LHFPL6: variants seen among roughly 807,000 people sequenced by gnomAD.
The protein encoded by LHFPL6 is LHFPL tetraspan subfamily member 6.
LHFPL6 carries 9 observed loss-of-function variants against 20.6 expected under a neutral mutation model. The ratio of observed to expected loss-of-function variants is 0.44; its 90% CI spans 0.26 to 0.76. LHFPL6 has a LOEUF of 0.76. Among genes scored for constraint, LHFPL6 ranks in the 30% least tolerant of loss-of-function variants. The pLI, the probability that LHFPL6 is intolerant of heterozygous loss-of-function variation, is 0.20. For synonymous variants in LHFPL6, 105 were observed against 98.7 expected, an observed-to-expected ratio of 1.06 and a Z score of -0.38; for missense variants, 218 against 253.5, an observed-to-expected ratio of 0.86 and a Z score of 0.95.
At chr13:39,509,441 A>C (rs1309036025) in intron 2 of LHFPL6, among the ~76,000 whole-genome samples, 2 of 152,070 alleles carry the variant, frequency 1.3e-5, no homozygotes, top group African/African-American at 4.8e-5. Flanking sequence ...GGAACATACT[A>C]CGGTTCAGAT....
rs763130912 is a variant in LHFPL6 at position 39,601,176 on chromosome 13, A to G, written c.41T>C (p.Leu14Ser). Residue 14 changes from leucine to serine, a missense_variant, in exon 2 of 4, where the codon TTG becomes TCG. Transcript: ENST00000379589. ...SLTCTGVIWA[L>S]LSFLCAATSC... ...GGTGGCAGCACAAAGAAAAGACAGC[A>G]AAGCCCAGATTACTCCAGTACAAGT... 1.2e-6 allele frequency: 2 copies of G among 1,613,986 alleles called. No individual in the cohort carries two copies. Among genetic ancestry groups the G allele is most frequent in the Non-Finnish European group, 1.7e-6 (2 of 1,179,992 alleles).
chr13:39,601,795 T>C (rs1415829122), intron 1 of LHFPL6, among the ~76,000 whole-genome samples: 3 of 152,222 alleles, frequency 2.0e-5, no homozygotes, highest in Non-Finnish European at 4.4e-5. Context: ...GCTCATAGTT[T>C]GTTGCAACTT....
chr13:39,483,266 C>T (rs1251665299), intron 2 of LHFPL6, among the ~76,000 whole-genome samples: 5 of 152,104 alleles, frequency 3.3e-5, no homozygotes, highest in East Asian at 3.9e-4. Flanking sequence ...CCTGTTCCAG[C>T]TTTCTAGCTG....
At chr13:39,497,974 CTCT>C (rs1460923935) in intron 2 of LHFPL6, among the ~76,000 whole-genome samples, 1 of 152,182 alleles carries the variant, frequency 6.6e-6, no homozygotes, top group Non-Finnish European at 1.5e-5. Context: ...TAAAGCTTTG[CTCT>C]TCTTAGCTAC....
At chr13:39,562,437 TACATATATAC>T (rs1566142021) in intron 2 of LHFPL6, among the ~76,000 whole-genome samples, 11 of 143,566 alleles carry the variant, frequency 7.7e-5, no homozygotes, top group Admixed American at 2.9e-4. Flanking sequence ...TATACATATA[TACATATATAC>T]ACATATATAC....
intron 2 of LHFPL6, among the ~76,000 whole-genome samples, chr13:39,517,168 A>G (rs571206576): frequency 6.6e-6 from 1 of 152,366 alleles, no homozygotes; most frequent in African/African-American, 2.4e-5. Flanking sequence ...GGGGGTAATG[A>G]GAACTTCTGA....
At chr13:39,402,822 T>C (rs1346209148) in intron 2 of LHFPL6, among the ~76,000 whole-genome samples, 1 of 152,232 alleles carries the variant, frequency 6.6e-6, no homozygotes, top group Non-Finnish European at 1.5e-5. Flanking sequence ...AGCAGCTTAA[T>C]CTATGTAATC....
chr13:39,591,336 A>T (rs1872585384), intron 2 of LHFPL6, among the ~76,000 whole-genome samples: 2 of 152,320 alleles, frequency 1.3e-5, no homozygotes, highest in South Asian at 2.1e-4. Flanking sequence ...GGAGTCATAC[A>T]TCAAAATATG....
intron 2 of LHFPL6, among the ~76,000 whole-genome samples, chr13:39,522,760 C>T (rs1885761): frequency 0.77 from 117,685 of 151,940 alleles, 45,667 homozygotes; most frequent in Middle Eastern, 0.82. Context: ...CAGGCAACCA[C>T]AAGAAGAAAC....
chr13:39,474,693 T>A (rs916872270), intron 2 of LHFPL6, among the ~76,000 whole-genome samples: 7 of 152,150 alleles, frequency 4.6e-5, no homozygotes, highest in Admixed American at 1.3e-4. Context: ...CTTTTTTTTT[T>A]AATAAGGCCT....
At chr13:39,470,968 C>A (rs1872928413) in intron 2 of LHFPL6, among the ~76,000 whole-genome samples, 2 of 152,176 alleles carry the variant, frequency 1.3e-5, no homozygotes, top group Admixed American at 1.3e-4. Context: ...CCACAGTGAA[C>A]AAATCTCTCT....
At chr13:39,452,777 A>C (rs533531165) in intron 2 of LHFPL6, among the ~76,000 whole-genome samples, 1 of 152,260 alleles carries the variant, frequency 6.6e-6, no homozygotes. Context: ...TGTGAAAAAC[A>C]GACATATCCA....
At chr13:39,494,361 A>C (rs1291947248) in intron 2 of LHFPL6, among the ~76,000 whole-genome samples, 1 of 152,208 alleles carries the variant, frequency 6.6e-6, no homozygotes, top group African/African-American at 2.4e-5. Flanking sequence ...ATAATCATTA[A>C]GGACTTGTTA....
At chr13:39,437,515 T>G (rs1566111393) in intron 2 of LHFPL6, among the ~76,000 whole-genome samples, 1 of 152,226 alleles carries the variant, frequency 6.6e-6, no homozygotes, top group African/African-American at 2.4e-5. Flanking sequence ...AAGCAGAAAC[T>G]TCTATGCTTT....
intron 2 of LHFPL6, among the ~76,000 whole-genome samples, chr13:39,511,411 A>G (rs1308682416): frequency 6.6e-6 from 1 of 151,980 alleles, no homozygotes; most frequent in Non-Finnish European, 1.5e-5. Flanking sequence ...GGCTGACATC[A>G]GTAATCAATC....
chr13:39,558,560 C>T (rs1871377543), intron 2 of LHFPL6, among the ~76,000 whole-genome samples: 1 of 152,168 alleles, frequency 6.6e-6, no homozygotes, highest in Non-Finnish European at 1.5e-5. Context: ...AAGTCACTTA[C>T]TTCCTCTGCT....
At position 39,524,114 on chromosome 13, in the gene LHFPL6, A is replaced by G. The variant is rs77621160; in HGVS notation, c.385+76718T>C. ...ACAGATGATAAAGATTATGAAATAG[A>G]AGCCTAGATAAAGGGAAGAAAGGGG... On this transcript the variant is annotated intron_variant, in intron 2 of 3. Coordinates refer to ENST00000379589, the MANE Select transcript of LHFPL6 (RefSeq NM_005780.3). 5.3e-3 allele frequency among the ~76,000 whole-genome samples: 814 copies of G among 152,280 alleles called. 9 individuals are homozygous for G. The highest frequency in any genetic ancestry group is 0.019 in the African/African-American group (776 of 41,562).
intron 2 of LHFPL6, among the ~76,000 whole-genome samples, chr13:39,504,337 G>A (rs1236789817): frequency 6.6e-6 from 1 of 152,034 alleles, no homozygotes; most frequent in East Asian, 1.9e-4. Context: ...ATATCTTATG[G>A]GATCTTAAAT....
intron 2 of LHFPL6, among the ~76,000 whole-genome samples, chr13:39,590,211 A>G (rs1168595087): frequency 6.6e-6 from 1 of 152,202 alleles, no homozygotes; most frequent in East Asian, 1.9e-4. Flanking sequence ...TGAAAACTGA[A>G]TAAGTTCTAC....
Sources: allele counts gnomAD v4.1 joint callset (sites outside exome capture counted in the v4.1 genomes callset), GRCh38; gene constraint gnomAD v4.1.1; transcripts MANE v1.5; gene names NCBI Gene and HGNC (gene_info 2026-07-23, HGNC 2026-07-21).